FOCAD: variants seen among roughly 807,000 people sequenced by gnomAD.
FOCAD encodes KIAA1797.
Under a neutral mutation model 225.6 loss-of-function variants are expected in FOCAD, and 198 were observed. The observed-to-expected ratio is 0.88, with a 90% CI of 0.78 to 0.99. The LOEUF is 0.99. Ranked by LOEUF, FOCAD falls within the 50% of genes least tolerant of loss-of-function variation. FOCAD has a pLI of 0.00. For synonymous variants in FOCAD, 897 were observed against 755.0 expected (o/e 1.19, Z -3.08); for missense variants, 2,713 against 2,123.6 (o/e 1.28, Z -5.46).
Position 20,731,301 on chromosome 9 carries a change from A to G in FOCAD, c.288-8935A>G, listed in dbSNP as rs376799193. 1.1e-4 allele frequency among the ~76,000 whole-genome samples: 17 copies of G among 152,204 alleles called. No individual in the cohort carries two copies. The South Asian group carries it at 2.3e-3, about 20-fold the overall frequency. Reference sequence around the variant, plus strand: ...CAACAACAAAGTACTTCATTTCCCAATAGAATTCATTGCTTGATAATATAA... The same window carrying G: ...CAACAACAAAGTACTTCATTTCCCAGTAGAATTCATTGCTTGATAATATAA... On this transcript the variant is annotated intron_variant, in intron 4 of 43. Transcript: ENST00000338382.
rs189346995 is a variant in FOCAD, at chr9:20,710,959, C to A, written c.-32-4363C>A. Among the ~76,000 whole-genome samples the A allele has an allele frequency of 7.2e-5, 11 of 152,296 alleles. No individual in the cohort carries two copies. The South Asian group carries it at 1.0e-3, about 14-fold the overall frequency. On this transcript the variant is annotated intron_variant, in intron 1 of 43. Coordinates refer to ENST00000338382, the MANE Select transcript of FOCAD (RefSeq NM_001375567.1). ...TTTTGTAAATAAAGTTTGATCAGAA[C>A]ACAGCTATAGTCATTTATTTATGTA...
At chr9:20,924,149 A>G (rs965894809) in intron 25 of FOCAD, among the ~76,000 whole-genome samples, 3 of 151,546 alleles carry the variant, frequency 2.0e-5, no homozygotes, top group African/African-American at 7.2e-5. Flanking sequence ...TTAATTGTAT[A>G]TGTCAATGAC....
At chr9:20,760,673 G>C (rs1031130639) in intron 6 of FOCAD, among the ~76,000 whole-genome samples, 3 of 152,044 alleles carry the variant, frequency 2.0e-5, no homozygotes, top group African/African-American at 7.2e-5. Context: ...TGTGTCTCTT[G>C]CATGGTTACA....
At chr9:20,790,503 G>A (rs902657161) in intron 11 of FOCAD, among the ~76,000 whole-genome samples, 1 of 152,220 alleles carries the variant, frequency 6.6e-6, no homozygotes, top group African/African-American at 2.4e-5. Context: ...TGAGTGCAGT[G>A]ACTTACGCCT....
At chr9:20,915,162 C>G (rs1295767442) in intron 23 of FOCAD, among the ~76,000 whole-genome samples, 2 of 152,064 alleles carry the variant, frequency 1.3e-5, no homozygotes, top group African/African-American at 2.4e-5. Context: ...AGGTTGTTGA[C>G]TAGTCTATAG....
rs558869254 is a variant in FOCAD, at chr9:20,731,648, G to A, written c.288-8588G>A. 7.9e-5 allele frequency among the ~76,000 whole-genome samples: 12 copies of A among 151,954 alleles called. 1 individual carries two copies. The East Asian group carries it at 1.2e-3, about 15-fold the overall frequency. ...ATGTATTTTTTTGACACAGAGTTTCGTTCTTGTTGCCCAGGCTGGAGTGCA... is the reference window on the plus strand; with the variant it reads ...ATGTATTTTTTTGACACAGAGTTTCATTCTTGTTGCCCAGGCTGGAGTGCA... On this transcript the variant is annotated intron_variant, in intron 4 of 43. Transcript: ENST00000338382.
intron 21 of FOCAD, among the ~76,000 whole-genome samples, chr9:20,902,779 A>T (rs758766026): frequency 4.0e-5 from 6 of 151,898 alleles, no homozygotes; most frequent in Non-Finnish European, 5.9e-5. Flanking sequence ...GATTCCCAAG[A>T]TAAATCAGAA....
chr9:20,919,657 G>A (rs535830976), intron 24 of FOCAD, among the ~76,000 whole-genome samples: 83 of 152,150 alleles, frequency 5.5e-4, no homozygotes, highest in Middle Eastern at 3.4e-3. Context: ...AAATAACACC[G>A]CATATCTACA....
intron 4 of FOCAD, among the ~76,000 whole-genome samples, chr9:20,737,367 A>G (rs558789795): frequency 1.3e-5 from 2 of 152,362 alleles, no homozygotes; most frequent in South Asian, 4.1e-4. Context: ...ATAATTAAGG[A>G]AAACCAATAT....
rs1327401294 is a variant in FOCAD at position 20,933,102 on chromosome 9, A to T, written c.3406A>T (p.Asn1136Tyr). The change falls in exon 28 of 44, where the codon AAC becomes TAC. Residue 1136 changes from asparagine (N) to tyrosine (Y), a missense_variant and splice_region_variant. Physicochemically the swap from Asn to Tyr is moderately radical, Grantham distance 143. Coordinates refer to ENST00000338382, the MANE Select transcript of FOCAD (RefSeq NM_001375567.1). ...NCCFDTSLEY[N>Y]TGCILGVGLV... ...CTGCTTTGACACTAGTCTTGAATAC[A>T]AGTATGTTGTTCCTATTTCCACTCT... 1 of 1,610,986 alleles carries T rather than the reference A, an allele frequency of 6.2e-7. No individual in the cohort carries two copies. Among genetic ancestry groups the T allele is most frequent in the South Asian group, 1.1e-5 (1 of 90,986 alleles).
chr9:20,676,782 A>C (rs897518313), intron 2 of FOCAD, among the ~76,000 whole-genome samples: 16 of 152,216 alleles, frequency 1.1e-4, no homozygotes, highest in African/African-American at 3.6e-4. Flanking sequence ...CTGTTCATGG[A>C]TTGGAAGAAT....
At chr9:20,734,390 A>C (rs1826961539) in intron 4 of FOCAD, among the ~76,000 whole-genome samples, 1 of 152,178 alleles carries the variant, frequency 6.6e-6, no homozygotes, top group African/African-American at 2.4e-5. Context: ...CCTATAAAAA[A>C]CATTTATATG....
intron 35 of FOCAD, among the ~76,000 whole-genome samples, chr9:20,953,693 G>A (rs960228747): frequency 6.6e-6 from 1 of 152,120 alleles, no homozygotes; most frequent in Non-Finnish European, 1.5e-5. Context: ...ATAGTTTTCA[G>A]GGCTGTGAGG....
At chr9:20,932,075 C>A (rs940959515) in intron 27 of FOCAD, among the ~76,000 whole-genome samples, 1 of 152,066 alleles carries the variant, frequency 6.6e-6, no homozygotes, top group East Asian at 1.9e-4. Context: ...CAAAAATGAT[C>A]TCTTTAACAT....
At position 20,719,264 on chromosome 9, in the gene FOCAD, G is replaced by A. The variant is rs571113510; in HGVS notation, c.133-1116G>A. Among the ~76,000 whole-genome samples, 37 of 152,122 alleles carry A rather than the reference G, an allele frequency of 2.4e-4. No individual in the cohort carries two copies. The South Asian group carries it at 7.7e-3, about 32-fold the overall frequency. On this transcript the variant is annotated intron_variant, in intron 3 of 43. Transcript: ENST00000338382. The stretch of plus-strand genomic sequence containing the variant: ...ACCCAGCCAGTTTTTTGTATTTTTA[G>A]TAGAGACTGGGTTTCACCATGTTGG...
At chr9:20,965,084 G>A (rs1167422083) in intron 35 of FOCAD, among the ~76,000 whole-genome samples, 2 of 152,142 alleles carry the variant, frequency 1.3e-5, no homozygotes. Context: ...TTTCACAGAG[G>A]AAGAACACCG....
intron 39 of FOCAD, among the ~76,000 whole-genome samples, chr9:20,983,570 C>CAAAAAA (rs371636885): frequency 1.0e-5 from 1 of 98,438 alleles, no homozygotes; most frequent in African/African-American, 3.7e-5. Flanking sequence ...GACTCTGTCT[C>CAAAAAA]AAAAAAAAAA....
intron 24 of FOCAD, among the ~76,000 whole-genome samples, chr9:20,922,965 T>TGAA (rs1360428680): frequency 2.0e-5 from 3 of 152,200 alleles, no homozygotes; most frequent in African/African-American, 7.2e-5. Context: ...AGTCAAACTC[T>TGAA]TAAGAGTTTA....
intron 2 of FOCAD, among the ~76,000 whole-genome samples, chr9:20,667,421 G>A (rs1821927982): frequency 6.6e-6 from 1 of 152,202 alleles, no homozygotes; most frequent in Non-Finnish European, 1.5e-5. Flanking sequence ...GGACAAGTTT[G>A]TGCCATATAA....
Sources: allele counts gnomAD v4.1 joint callset (sites outside exome capture counted in the v4.1 genomes callset), GRCh38; gene constraint gnomAD v4.1.1; transcripts MANE v1.5; gene names NCBI Gene and HGNC (gene_info 2026-07-23, HGNC 2026-07-21).